BBS2: variants seen among roughly 807,000 people sequenced by gnomAD.
BBS2 encodes the protein Bardet-Biedl syndrome 2.
In BBS2, 62 loss-of-function variants were observed where a neutral mutation model predicts 83.0. The observed-to-expected ratio is 0.75, with a 90% confidence interval of 0.61 to 0.92. The LOEUF (loss-of-function observed/expected upper bound fraction) is 0.92, where lower values mean the gene tolerates loss of function less well. Ranked by LOEUF, BBS2 falls within the 40% of genes least tolerant of loss-of-function variation. BBS2 has a pLI of 0.00. For missense variants in BBS2, 784 were observed against 901.0 expected (o/e 0.87, Z 1.66); for synonymous variants, 303 against 326.1 (o/e 0.93, Z 0.76).
In BBS2 at chr16:56,520,000, G is replaced by C. The variant is rs1037636810; in HGVS notation, c.-138C>G. 4 of 742,534 alleles carry C rather than the reference G, an allele frequency of 5.4e-6. No homozygotes were observed. The highest frequency in any genetic ancestry group is 2.4e-6 in the Non-Finnish European group (1 of 421,220). The allele number at this position is 742,534 out of a possible 1,614,324, so 46.0% of individuals were successfully genotyped here. Reference sequence around the variant, plus strand: ...CTCAGGCCGGACGCGAAACAGCCCGGGACGAACCCGTCCAGGTACCGCCTG... The same window carrying C: ...CTCAGGCCGGACGCGAAACAGCCCGCGACGAACCCGTCCAGGTACCGCCTG... On this transcript the variant is annotated 5_prime_UTR_variant, in exon 1 of 17. Coordinates refer to ENST00000245157, the MANE Select transcript of BBS2 (RefSeq NM_031885.5).
chr16:56,498,096 T>C (rs1224434037), intron 13 of BBS2, among the ~76,000 whole-genome samples: 6 of 152,146 alleles, frequency 3.9e-5, no homozygotes, highest in Admixed American at 2.6e-4. Flanking sequence ...AGAAATTAAA[T>C]GACAAAATCA....
At chr16:56,504,991 A>G (rs1333259100) in intron 7 of BBS2, among the ~76,000 whole-genome samples, 1 of 152,198 alleles carries the variant, frequency 6.6e-6, no homozygotes, top group East Asian at 1.9e-4. Flanking sequence ...TAAGGCTCCT[A>G]TGAGGAAGTG....
At chr16:56,478,691 T>C (rs1330437812) in intron 17 of BBS2, 1 of 152,202 alleles carries the variant, frequency 6.6e-6, no homozygotes, top group Non-Finnish European at 1.5e-5. Flanking sequence ...ATCTGAATCT[T>C]AGAATACCTC....
At chr16:56,496,386 C>A (rs1265352601) in intron 15 of BBS2, among the ~76,000 whole-genome samples, 3 of 152,206 alleles carry the variant, frequency 2.0e-5, no homozygotes, top group African/African-American at 7.2e-5. Context: ...CATAATCCCT[C>A]CTTCTCTAGG....
At chr16:56,475,543 T>C (rs1359987500) in intron 17 of BBS2, 1 of 1,614,058 alleles carries the variant, frequency 6.2e-7, no homozygotes, top group South Asian at 1.1e-5. Context: ...ACTTCTTACA[T>C]TGCCAAAGGT....
intron 7 of BBS2, 74 bp downstream of exon 7, chr16:56,505,876 C>T: frequency 1.7e-6 from 2 of 1,155,832 alleles, no homozygotes; most frequent in African/African-American, 1.5e-5. Flanking sequence ...TGTTACTGTT[C>T]TAAGTCCTAC....
At chr16:56,475,645 C>A in intron 17 of BBS2, 1 of 1,138,322 alleles carries the variant, frequency 8.8e-7, no homozygotes, top group Non-Finnish European at 1.3e-6. Flanking sequence ...TTTTTATGAC[C>A]TTCTACCAGT....
rs775032147 is a variant in BBS2, at chr16:56,505,934, T to C, written c.804+16A>G. ...ACTACTCTGAATTATACCTGAACTTTGCTATTCAAACTTACCTTCCCATTG... is the reference window on the plus strand; with the variant it reads ...ACTACTCTGAATTATACCTGAACTTCGCTATTCAAACTTACCTTCCCATTG... On this transcript the variant is annotated intron_variant, in intron 7 of 16. Transcript: ENST00000245157. 2.5e-6 allele frequency: 4 copies of C among 1,595,924 alleles called. No homozygotes were observed. The highest frequency in any genetic ancestry group is 3.4e-6 in the Non-Finnish European group (4 of 1,164,192).
At chr16:56,490,124 A>ACACG (rs1244597713) in intron 15 of BBS2, among the ~76,000 whole-genome samples, 1 of 126,796 alleles carries the variant, frequency 7.9e-6, no homozygotes. Context: ...ACACACACAC[A>ACACG]CACGCACACA....
rs1158566793 is a variant in BBS2, at chr16:56,519,808, C to A, written c.55G>T (p.Val19Leu). The change falls in exon 1 of 17, where the codon GTG becomes TTG. Residue 19 changes from valine to leucine, a missense_variant. Coordinates refer to ENST00000245157, the MANE Select transcript of BBS2 (RefSeq NM_031885.5). The part of the protein sequence containing the change: ...KLRHKISPRM[V>L]AIGRYDGTHP... ...GTCCCGTCGTAGCGCCCTATGGCCA[C>A]CATTCGGGGGCTGATTTTGTGGCGC... 1 of 1,613,834 alleles carries A rather than the reference C, an allele frequency of 6.2e-7. No homozygotes were observed. The highest frequency in any genetic ancestry group is 1.1e-5 in the South Asian group (1 of 91,072).
intron 17 of BBS2, chr16:56,477,002 G>T (rs1963509326): frequency 1.3e-5 from 2 of 152,302 alleles, no homozygotes; most frequent in Admixed American, 6.5e-5. Context: ...GGTGGCACAT[G>T]CCTGTAATCC....
At chr16:56,505,391 G>A (rs1342301901) in intron 7 of BBS2, among the ~76,000 whole-genome samples, 2 of 152,180 alleles carry the variant, frequency 1.3e-5, no homozygotes, top group Admixed American at 1.3e-4. Context: ...AAGAAAGCGA[G>A]GGCAAATGGT....
intron 12 of BBS2, chr16:56,498,823 C>T (rs1032596731): frequency 4.7e-6 from 4 of 848,398 alleles, no homozygotes; most frequent in African/African-American, 3.5e-5. Flanking sequence ...ATGCCTGGCC[C>T]CACAGCAGAC....
intron 15 of BBS2, among the ~76,000 whole-genome samples, chr16:56,490,183 T>C (rs1963911357): frequency 6.6e-6 from 1 of 151,482 alleles, no homozygotes; most frequent in East Asian, 1.9e-4. Context: ...AATGTGATAG[T>C]CATAAGGAAA....
Position 56,519,949 on chromosome 16 carries a change from G to A in BBS2, c.-87C>T. 1 of 1,159,982 alleles carries A rather than the reference G, an allele frequency of 8.6e-7. No homozygotes were observed. The highest frequency in any genetic ancestry group is 1.3e-6 in the Non-Finnish European group (1 of 780,508). 71.9% of individuals were successfully genotyped at this position (1,159,982 alleles called of 1,614,324 possible). On this transcript the variant is annotated 5_prime_UTR_variant, in exon 1 of 17. Transcript: ENST00000245157. ...CACGCGCCCGGGCAAGAAGTGCAGG[G>A]ACACTACCTGCGCGGCCCCAGCCGC...
intron 15 of BBS2, among the ~76,000 whole-genome samples, chr16:56,488,719 C>T (rs1226382988): frequency 1.3e-5 from 2 of 151,814 alleles, no homozygotes; most frequent in Non-Finnish European, 2.9e-5. Flanking sequence ...CCCCTCTCCA[C>T]TCCCTGGAGG....
intron 15 of BBS2, among the ~76,000 whole-genome samples, chr16:56,493,409 A>C (rs12918912): frequency 5.4e-5 from 8 of 149,516 alleles, no homozygotes; most frequent in Non-Finnish European, 1.2e-4. Context: ...AAAAAAAAAA[A>C]CCAAGGTGGA....
Position 56,514,667 on chromosome 16 carries a change from T to C in BBS2, c.131A>G (p.Asn44Ser), listed in dbSNP as rs764000508. The change falls in exon 2 of 17, where the codon AAT becomes AGT. Residue 44 changes from asparagine (N) to serine (S), a missense_variant. Coordinates refer to ENST00000245157, the MANE Select transcript of BBS2 (RefSeq NM_031885.5). ...GACATGCTGGTTCCGTGTATGAGGA[T>C]TATGAATAAAAACCTGAAACAAAAA... ...ATQTGKVFIHNPHTRNQHVSA... is the reference protein window; with the variant it reads ...ATQTGKVFIHSPHTRNQHVSA... 1.9e-6 allele frequency: 3 copies of C among 1,613,236 alleles called. No individual in the cohort carries two copies. Among genetic ancestry groups the C allele is most frequent in the African/African-American group, 1.3e-5 (1 of 75,026 alleles).
intron 1 of BBS2, among the ~76,000 whole-genome samples, chr16:56,515,510 T>C (rs553869838): frequency 8.2e-4 from 125 of 152,220 alleles, no homozygotes; most frequent in African/African-American, 2.7e-3. Context: ...TCTAAAAAAG[T>C]TCCAAGGTGG....
Sources: gnomAD v4.1 joint callset for allele counts (sites outside exome capture counted in the v4.1 genomes callset) on GRCh38, gnomAD v4.1.1 for gene constraint, MANE v1.5 for transcripts, NCBI Gene and HGNC (gene_info 2026-07-23, HGNC 2026-07-21) for gene names.